Variants in R3HDM2 observed in about 807,000 individuals in gnomAD.
R3HDM2 encodes the protein R3H domain containing 2.
In R3HDM2, 38 loss-of-function variants were observed where a neutral mutation model predicts 124.5. The ratio of observed to expected loss-of-function variants is 0.31; its 90% CI spans 0.24 to 0.40. The LOEUF (loss-of-function observed/expected upper bound fraction) is 0.40, where lower values mean the gene tolerates loss of function less well. Among genes scored for constraint, R3HDM2 ranks in the 10% least tolerant of loss-of-function variants. The pLI, the probability that R3HDM2 is intolerant of heterozygous loss-of-function variation, is 1.00. For missense variants in R3HDM2, 869 were observed against 1,236.9 expected, an observed-to-expected ratio of 0.70 and a Z score of 4.46; for synonymous variants, 391 against 448.0, an observed-to-expected ratio of 0.87 and a Z score of 1.61.
At chr12:57,428,384 C>G (rs1868473950) in intron 1 of R3HDM2, among the ~76,000 whole-genome samples, 1 of 152,066 alleles carries the variant, frequency 6.6e-6, no homozygotes, top group African/African-American at 2.4e-5. Flanking sequence ...GTAATCCCAG[C>G]ACTTTGGGAG....
At position 57,296,414 on chromosome 12, in the gene R3HDM2, C is replaced by T; in HGVS notation, c.698G>A (p.Arg233Lys). The change falls in exon 9 of 24, where the codon AGA (arginine) becomes AAA (lysine). Residue 233 changes from arginine to lysine, a missense_variant. Around this residue, in one of 2 missense-constraint regions of R3HDM2, gnomAD observed 267 missense variants for 447.7 expected, o/e 0.60. Coordinates refer to ENST00000402412, the MANE Select transcript of R3HDM2 (RefSeq NM_001394031.1). This position sits in a 1 kb window ranked among gnomAD's most constrained non-coding sequence, Gnocchi z 4.5. ...AVIINKTSNT[R>K]IPEQRFSEHI... ...AAACCATGGTTTCCTCCCTTACATT[C>T]TTGTGTTACTAGTTTTGTTGATGAT... 1 of 1,552,238 alleles carries T rather than the reference C, an allele frequency of 6.4e-7. No homozygotes were observed. Among genetic ancestry groups the T allele is most frequent in the Non-Finnish European group, 8.7e-7 (1 of 1,147,090 alleles).
At chr12:57,425,272 CAAA>C (rs372378364) in intron 1 of R3HDM2, among the ~76,000 whole-genome samples, 1 of 120,896 alleles carries the variant, frequency 8.3e-6, no homozygotes, top group African/African-American at 3.0e-5. Flanking sequence ...AACTCCGTCT[CAAA>C]AAAAAAAAAA....
At chr12:57,326,310 A>G (rs1314943893) in intron 2 of R3HDM2, among the ~76,000 whole-genome samples, 1 of 152,238 alleles carries the variant, frequency 6.6e-6, no homozygotes, top group Non-Finnish European at 1.5e-5. Context: ...CTTCGTGAGG[A>G]AGGCATGTTG....
At chr12:57,279,493 T>A (rs2137851222) in intron 14 of R3HDM2, among the ~76,000 whole-genome samples, 1 of 150,462 alleles carries the variant, frequency 6.6e-6, no homozygotes. Context: ...TTAAGGTGAC[T>A]TTTAAACATA....
chr12:57,401,397 G>A (rs1050627226), intron 1 of R3HDM2, among the ~76,000 whole-genome samples: 6 of 152,104 alleles, frequency 3.9e-5, no homozygotes, highest in African/African-American at 1.4e-4. Context: ...CTAGAGGACA[G>A]CTCTAGCCCA....
At chr12:57,343,338 C>T (rs776191412) in intron 2 of R3HDM2, among the ~76,000 whole-genome samples, 6 of 151,736 alleles carry the variant, frequency 4.0e-5, no homozygotes, top group Non-Finnish European at 7.4e-5. Context: ...TACAGACATG[C>T]GCCACCAGGC....
chr12:57,307,655 C>G (rs2052976988), intron 3 of R3HDM2, among the ~76,000 whole-genome samples: 1 of 144,288 alleles, frequency 6.9e-6, no homozygotes, highest in African/African-American at 2.6e-5. Flanking sequence ...GAGACAGGGT[C>G]TCACTCTGTC....
At chr12:57,260,665 G>T (rs925626581) in intron 19 of R3HDM2, among the ~76,000 whole-genome samples, 12 of 152,100 alleles carry the variant, frequency 7.9e-5, no homozygotes, top group African/African-American at 2.4e-4. Flanking sequence ...TTCACACGTG[G>T]GTGGTGGTGG....
At chr12:57,427,374 A>C (rs1376699524) in intron 1 of R3HDM2, among the ~76,000 whole-genome samples, 2 of 148,532 alleles carry the variant, frequency 1.3e-5, no homozygotes, top group Non-Finnish European at 3.0e-5. Context: ...TTTTGAGACA[A>C]AGTCTCAGTC....
At chr12:57,258,819 A>G in intron 20 of R3HDM2, 71 bp downstream of exon 20, 1 of 1,363,890 alleles carries the variant, frequency 7.3e-7, no homozygotes, top group Non-Finnish European at 9.7e-7. Context: ...TGCTCAGTCA[A>G]TAGCAAACAT....
rs190475785 is a variant in R3HDM2, at chr12:57,273,416, T to C, written c.1345-3422A>G. ...CCCTCCAGGCATTTTGATCACCTCA[T>C]CAGTTCTCCAGTCATAGTCCCTGGT... On this transcript the variant is annotated intron_variant, in intron 14 of 23. Coordinates refer to ENST00000402412, the MANE Select transcript of R3HDM2 (RefSeq NM_001394031.1). 3.3e-5 allele frequency among the ~76,000 whole-genome samples: 5 copies of C among 152,244 alleles called. No homozygotes were observed. In the East Asian group the frequency reaches 9.6e-4, roughly 29 times the overall value.
intron 1 of R3HDM2, among the ~76,000 whole-genome samples, chr12:57,416,411 T>G (rs1403965585): frequency 6.6e-6 from 1 of 152,306 alleles, no homozygotes; most frequent in East Asian, 1.9e-4. Context: ...TTCTTCTAAA[T>G]AAAATGTTGG....
Position 57,415,316 on chromosome 12 carries a change from T to C in R3HDM2, c.-106+15404A>G, listed in dbSNP as rs969100894. 4 of 152,106 alleles carry C rather than the reference T, an allele frequency of 2.6e-5. No individual in the cohort carries two copies. In the South Asian group the frequency reaches 6.2e-4, roughly 24 times the overall value. The allele number at this position is 152,106 out of a possible 1,614,324, so 9.4% of individuals were successfully genotyped here. A position where few individuals can be genotyped will look rare whatever the true frequency, so the allele number is the denominator to read the frequency against. On this transcript the variant is annotated intron_variant, in intron 1 of 23. Coordinates refer to ENST00000402412, the MANE Select transcript of R3HDM2 (RefSeq NM_001394031.1). Reference sequence around the variant, plus strand: ...CAGTGGTGCTCGCTTCCACAGCACATATACTAAAATTGGACTGATACAGAG... The same window carrying C: ...CAGTGGTGCTCGCTTCCACAGCACACATACTAAAATTGGACTGATACAGAG...
chr12:57,299,709 T>C lies in R3HDM2; in HGVS notation c.295-231A>G, dbSNP rs542576860. ...AGAGCTCAAATTACACAGGCCGTTC[T>C]TGGCACAGGTATTGAATGGGAATGG... On this transcript the variant is annotated intron_variant, in intron 5 of 23. Coordinates refer to ENST00000402412, the MANE Select transcript of R3HDM2 (RefSeq NM_001394031.1). 3.3e-5 allele frequency among the ~76,000 whole-genome samples: 5 copies of C among 152,340 alleles called. No homozygotes were observed. The East Asian group carries it at 9.6e-4, about 29-fold the overall frequency.
chr12:57,257,658 C>G (rs945360552), intron 21 of R3HDM2, among the ~76,000 whole-genome samples: 1 of 152,194 alleles, frequency 6.6e-6, no homozygotes, highest in Admixed American at 6.5e-5. Context: ...CTTACAAAAT[C>G]CCACATTCCC....
At chr12:57,402,167 C>T (rs189743616) in intron 1 of R3HDM2, among the ~76,000 whole-genome samples, 4 of 151,194 alleles carry the variant, frequency 2.6e-5, no homozygotes, top group African/African-American at 7.3e-5. Context: ...TGGTGACAGG[C>T]GCCTGTAATC....
At chr12:57,365,652 A>C (rs1412889221) in intron 2 of R3HDM2, among the ~76,000 whole-genome samples, 1 of 152,100 alleles carries the variant, frequency 6.6e-6, no homozygotes, top group Non-Finnish European at 1.5e-5. Flanking sequence ...GATCAGTGAT[A>C]AAGCTGGAAA....
At chr12:57,351,081 G>A (rs6581138) in intron 2 of R3HDM2, among the ~76,000 whole-genome samples, 35,726 of 151,964 alleles carry the variant, frequency 0.24, 4,548 homozygotes, top group South Asian at 0.43. Flanking sequence ...TAGCCTGGGC[G>A]ACAGAGTGAG....
At chr12:57,410,978 T>C (rs1447600356) in intron 1 of R3HDM2, among the ~76,000 whole-genome samples, 1 of 152,144 alleles carries the variant, frequency 6.6e-6, no homozygotes, top group Non-Finnish European at 1.5e-5. Context: ...ACAGAAATAA[T>C]GGGAAAGCAT....
Sources: gnomAD v4.1 joint callset for allele counts (sites outside exome capture counted in the v4.1 genomes callset) on GRCh38, gnomAD v4.1.1 for gene constraint, gnomAD v4.1.1 regional missense constraint, Gnocchi (gnomAD v3.1) non-coding constraint, MANE v1.5 for transcripts, NCBI Gene and HGNC (gene_info 2026-07-23, HGNC 2026-07-21) for gene names.